The following LIMCH1 variants were observed in gnomAD, a reference collection of about 807,000 sequenced individuals.
The protein encoded by LIMCH1 is LIM and calponin homology domains 1.
In LIMCH1, 113 loss-of-function variants were observed where a neutral mutation model predicts 176.5. The ratio of observed to expected loss-of-function variants is 0.64; its 90% CI spans 0.55 to 0.75. The LOEUF is 0.75. Among genes scored for constraint, LIMCH1 ranks in the 30% least tolerant of loss-of-function variants. LIMCH1 has a pLI of 0.00. For missense variants in LIMCH1, 1,674 were observed against 1,814.9 expected (o/e 0.92, Z 1.41); for synonymous variants, 619 against 645.9 (o/e 0.96, Z 0.63).
intron 1 of LIMCH1, among the ~76,000 whole-genome samples, chr4:41,434,444 T>G (rs1389494958): frequency 6.6e-6 from 1 of 152,228 alleles, no homozygotes; most frequent in East Asian, 1.9e-4. Context: ...ACATGTGATT[T>G]GCATTCTCCA....
intron 2 of LIMCH1, 82 bp downstream of exon 2, chr4:41,599,108 G>A: frequency 1.2e-6 from 1 of 808,118 alleles, no homozygotes; most frequent in East Asian, 2.5e-5. Flanking sequence ...TAAGTTCTAA[G>A]AGACAGAGAA....
At chr4:41,630,178 A>C (rs2093238081) in intron 9 of LIMCH1, among the ~76,000 whole-genome samples, 1 of 151,950 alleles carries the variant, frequency 6.6e-6, no homozygotes, top group Non-Finnish European at 1.5e-5. Context: ...CTGATCTCGA[A>C]CACCTAGGGC....
chr4:41,515,343 T>G (rs1273320617), intron 2 of LIMCH1, among the ~76,000 whole-genome samples: 2 of 152,218 alleles, frequency 1.3e-5, no homozygotes, highest in African/African-American at 4.8e-5. Context: ...ACTACGCCTA[T>G]GGAGGCCTGT....
intron 1 of LIMCH1, among the ~76,000 whole-genome samples, chr4:41,425,995 A>C (rs1261286792): frequency 3.3e-5 from 5 of 151,334 alleles, no homozygotes; most frequent in Admixed American, 2.6e-4. Flanking sequence ...CTAACTATGA[A>C]ATCTGAGAGA....
In LIMCH1 at chr4:41,603,722, C is replaced by T. The variant is rs181898786; in HGVS notation, c.-133-153C>T. Among the ~76,000 whole-genome samples, 464 of 152,148 alleles carry T rather than the reference C, an allele frequency of 3.0e-3. 4 individuals carry two copies. Among genetic ancestry groups the T allele is most frequent in the South Asian group, 0.018 (88 of 4,816 alleles). On this transcript the variant is annotated intron_variant, in intron 2 of 31. Coordinates refer to ENST00000503057, the MANE Select transcript of LIMCH1 (RefSeq NM_001330672.2). ...TTCCTAATTAACTTTATTCAGTGCC[C>T]GAAATCACAAAACTTAAGCCTTAAA...
In LIMCH1 at chr4:41,676,587, CAA is replaced by C. The variant is rs553024867; in HGVS notation, c.3519+126_3519+127del. 580 of 709,238 alleles carry C rather than the reference CAA, an allele frequency of 8.2e-4. 3 individuals carry two copies. The African/African-American group carries it at 9.5e-3, about 12-fold the overall frequency. 43.9% of individuals were successfully genotyped at this position (709,238 alleles called of 1,614,324 possible). On this transcript the variant is annotated intron_variant, in intron 23 of 31. Transcript: ENST00000503057. ...GTTATTCTCGGAAGTTAGTGAGTCT[CAA>C]GTCAGTTCATTTTGTGTCCTTGTAA... is the stretch of plus-strand genomic sequence containing the variant.
At chr4:41,410,237 A>G (rs1453606290) in intron 1 of LIMCH1, among the ~76,000 whole-genome samples, 2 of 152,210 alleles carry the variant, frequency 1.3e-5, no homozygotes, top group East Asian at 1.9e-4. Context: ...CTCAAGACCC[A>G]GTTGATACCT....
At chr4:41,453,399 A>G (rs1303873459) in intron 1 of LIMCH1, among the ~76,000 whole-genome samples, 1 of 152,212 alleles carries the variant, frequency 6.6e-6, no homozygotes, top group Admixed American at 6.5e-5. Flanking sequence ...CAGTTAACAT[A>G]TATTTTGTAT....
intron 2 of LIMCH1, among the ~76,000 whole-genome samples, chr4:41,505,642 T>G (rs1251279099): frequency 2.6e-5 from 4 of 152,184 alleles, no homozygotes; most frequent in Admixed American, 6.5e-5. Context: ...AATAGGTTCT[T>G]GTCTGGCTGC....
At chr4:41,573,759 A>G (rs1360797411) in intron 1 of LIMCH1, among the ~76,000 whole-genome samples, 1 of 152,224 alleles carries the variant, frequency 6.6e-6, no homozygotes, top group Non-Finnish European at 1.5e-5. Flanking sequence ...TGCTAGATCA[A>G]AGAAAACCCA....
intron 1 of LIMCH1, among the ~76,000 whole-genome samples, chr4:41,485,414 G>A (rs1409168539): frequency 2.6e-5 from 4 of 152,060 alleles, no homozygotes; most frequent in Admixed American, 6.5e-5. Context: ...GTTAATCTTC[G>A]TGTCCCTCCA....
In LIMCH1 at chr4:41,515,754, G is replaced by A. The variant is rs57048104; in HGVS notation, c.168-8655G>A. 3.7e-3 allele frequency among the ~76,000 whole-genome samples: 566 copies of A among 152,256 alleles called. 2 individuals carry two copies. The highest frequency in any genetic ancestry group is 0.013 in the African/African-American group (527 of 41,562). On this transcript the variant is annotated intron_variant, in intron 2 of 26. Coordinates refer to the LIMCH1 transcript ENST00000313860. ...GGTCTTTCTGTCTCTGGAGCTTCCTGCTGCTCTTGGAATTTTATGGATCCC... is the reference window on the plus strand; with the variant it reads ...GGTCTTTCTGTCTCTGGAGCTTCCTACTGCTCTTGGAATTTTATGGATCCC...
chr4:41,527,855 C>T (rs2076844737), intron 3 of LIMCH1, among the ~76,000 whole-genome samples: 1 of 150,868 alleles, frequency 6.6e-6, no homozygotes, highest in African/African-American at 2.4e-5. Flanking sequence ...AAAAACTGCC[C>T]CATCCCCAAA....
At chr4:41,494,955 C>T (rs1203352424) in intron 2 of LIMCH1, among the ~76,000 whole-genome samples, 1 of 152,188 alleles carries the variant, frequency 6.6e-6, no homozygotes, top group African/African-American at 2.4e-5. Flanking sequence ...AAATCCCAAA[C>T]AAAAGCAGCT....
At chr4:41,477,204 A>G (rs1029017852) in intron 1 of LIMCH1, among the ~76,000 whole-genome samples, 20 of 152,262 alleles carry the variant, frequency 1.3e-4, no homozygotes, top group African/African-American at 4.6e-4. Context: ...TCATCTGGAG[A>G]CCAGGGATAA....
chr4:41,376,120 T>C (rs1221810658), intron 1 of LIMCH1, among the ~76,000 whole-genome samples: 1 of 152,214 alleles, frequency 6.6e-6, no homozygotes, highest in Non-Finnish European at 1.5e-5. Flanking sequence ...TTTTATGGAG[T>C]TACTTTCTGA....
chr4:41,500,460 G>A (rs532320000), intron 2 of LIMCH1, among the ~76,000 whole-genome samples: 75 of 152,200 alleles, frequency 4.9e-4, no homozygotes, highest in Middle Eastern at 3.4e-3. Context: ...TATAGATAAC[G>A]AATGAGGTAA....
chr4:41,468,116 A>G (rs1299882554), intron 1 of LIMCH1, among the ~76,000 whole-genome samples: 1 of 152,214 alleles, frequency 6.6e-6, no homozygotes, highest in Non-Finnish European at 1.5e-5. Context: ...GTCTTCAATT[A>G]TTTGAGCACA....
intron 1 of LIMCH1, among the ~76,000 whole-genome samples, chr4:41,455,299 G>A (rs2064443834): frequency 2.0e-5 from 3 of 152,176 alleles, no homozygotes; most frequent in Non-Finnish European, 4.4e-5. Flanking sequence ...ACATCTGGGT[G>A]TGTTCCCCTT....
Sources: allele counts gnomAD v4.1 joint callset (sites outside exome capture counted in the v4.1 genomes callset), GRCh38; gene constraint gnomAD v4.1.1; transcripts MANE v1.5; gene names NCBI Gene and HGNC (gene_info 2026-07-23, HGNC 2026-07-21).